SLC9A1: variants seen among roughly 807,000 people sequenced by gnomAD.
SLC9A1 encodes the protein sodium/hydrogen exchanger 1.
In SLC9A1, 22 loss-of-function variants were observed where a neutral mutation model predicts 67.9. The observed-to-expected ratio is 0.32, with a 90% CI of 0.23 to 0.46. The LOEUF (loss-of-function observed/expected upper bound fraction) is 0.46, where lower values mean the gene tolerates loss of function less well. Among genes scored for constraint, SLC9A1 ranks in the 20% least tolerant of loss-of-function variants. SLC9A1 has a pLI of 1.00. For missense variants in SLC9A1, 686 were observed against 1,094.8 expected, an observed-to-expected ratio of 0.63 and a Z score of 5.27; for synonymous variants, 421 against 471.8, an observed-to-expected ratio of 0.89 and a Z score of 1.40.
chr1:27,108,348 CGAG>C, intron 3 of SLC9A1, among the ~76,000 whole-genome samples: 1 of 145,982 alleles, frequency 6.9e-6, no homozygotes, highest in East Asian at 2.1e-4. Flanking sequence ...TTACAGGCGA[CGAG>C]CGCATGCCCG....
chr1:27,105,548 C>T, intron 5 of SLC9A1: 2 of 616,388 alleles, frequency 3.2e-6, no homozygotes, highest in South Asian at 2.0e-5. Context: ...TCCACCCCCT[C>T]AGCCTCCCAA....
At position 27,101,994 on chromosome 1, in the gene SLC9A1, G is replaced by C. The variant is rs764202913; in HGVS notation, c.1935+22C>G. On this transcript the variant is annotated intron_variant, in intron 9 of 11. Coordinates refer to ENST00000263980, the MANE Select transcript of SLC9A1 (RefSeq NM_003047.5). The surrounding 1 kb of genome is among the most constrained non-coding windows in gnomAD (Gnocchi z 4.9). ...GAAGGGCTCCTGTACCCTGGGGGTC[G>C]GGCTGGGGAGCAGGCCCTCACCCGC... The C allele has an allele frequency of 5.1e-6, 8 of 1,574,342 alleles. No individual in the cohort carries two copies. Among genetic ancestry groups the C allele is most frequent in the South Asian group, 1.1e-5 (1 of 90,338 alleles).
At chr1:27,140,219 G>T (rs2083445725) in intron 1 of SLC9A1, among the ~76,000 whole-genome samples, 1 of 151,988 alleles carries the variant, frequency 6.6e-6, no homozygotes, top group Non-Finnish European at 1.5e-5. Flanking sequence ...GCACTTCACA[G>T]CACATCACAA....
intron 2 of SLC9A1, among the ~76,000 whole-genome samples, chr1:27,110,909 G>A (rs1185633284): frequency 6.6e-6 from 1 of 152,194 alleles, no homozygotes; most frequent in East Asian, 1.9e-4. Flanking sequence ...TCCATGACAG[G>A]GAACCCTCCA....
chr1:27,131,616 C>T (rs866660417), intron 1 of SLC9A1, among the ~76,000 whole-genome samples: 23 of 151,516 alleles, frequency 1.5e-4, no homozygotes, highest in Non-Finnish European at 2.4e-4. Context: ...GGCGTGGTGG[C>T]GCGCGCCTGT....
At chr1:27,148,750 T>C (rs888122682) in intron 1 of SLC9A1, among the ~76,000 whole-genome samples, 2 of 152,208 alleles carry the variant, frequency 1.3e-5, no homozygotes, top group African/African-American at 4.8e-5. Flanking sequence ...TCCTGCCTTG[T>C]AGAGCTAAAC....
intron 1 of SLC9A1, among the ~76,000 whole-genome samples, chr1:27,150,260 T>A (rs2083517497): frequency 6.6e-6 from 1 of 152,132 alleles, no homozygotes; most frequent in Non-Finnish European, 1.5e-5. Context: ...GATGGCAGGA[T>A]TCGCCTTGCA....
intron 1 of SLC9A1, among the ~76,000 whole-genome samples, chr1:27,120,366 T>C (rs2083296987): frequency 6.6e-6 from 1 of 151,624 alleles, no homozygotes; most frequent in East Asian, 2.0e-4. Flanking sequence ...CCTCAGGTGA[T>C]CCACCCACCT....
chr1:27,112,529 T>A (rs1006750866), intron 2 of SLC9A1, among the ~76,000 whole-genome samples: 1 of 152,196 alleles, frequency 6.6e-6, no homozygotes, highest in Admixed American at 6.5e-5. Context: ...CAGGTGTATA[T>A]GGTGCTACCA....
In SLC9A1 at chr1:27,101,187, C is replaced by T; in HGVS notation, c.2110+16G>A. The T allele has an allele frequency of 1.2e-6, 2 of 1,605,436 alleles. No homozygotes were observed. Among genetic ancestry groups the T allele is most frequent in the Non-Finnish European group, 8.5e-7 (1 of 1,177,960 alleles). ...CTCAGAGTGCCCAGTCCTGAGGCCCCTCGCCAGGCCCTTACCTGAGCCGAT... is the reference window on the plus strand; with the variant it reads ...CTCAGAGTGCCCAGTCCTGAGGCCCTTCGCCAGGCCCTTACCTGAGCCGAT... On this transcript the variant is annotated intron_variant, in intron 11 of 11. Coordinates refer to ENST00000263980, the MANE Select transcript of SLC9A1 (RefSeq NM_003047.5). The surrounding 1 kb of genome is among the most constrained non-coding windows in gnomAD (Gnocchi z 4.9).
At chr1:27,119,847 A>G (rs1250575946) in intron 1 of SLC9A1, among the ~76,000 whole-genome samples, 1 of 152,170 alleles carries the variant, frequency 6.6e-6, no homozygotes, top group Admixed American at 6.5e-5. Flanking sequence ...GCAGTTCCCA[A>G]AGGGCCAGCG....
chr1:27,146,902 G>A (rs551411870), intron 1 of SLC9A1, among the ~76,000 whole-genome samples: 6 of 152,294 alleles, frequency 3.9e-5, no homozygotes, highest in East Asian at 1.9e-4. Flanking sequence ...TTGGGGGGCC[G>A]GGACGGGCAG....
Position 27,154,167 on chromosome 1 carries a change from C to T in SLC9A1, c.168G>A (p.Ser56=). 6.8e-6 allele frequency: 11 copies of T among 1,614,110 alleles called. No individual in the cohort carries two copies. The highest frequency in any genetic ancestry group is 9.3e-6 in the Non-Finnish European group (11 of 1,179,992). ...GTGGAGCGGTGGTGACATCCCCAAT[C>T]GAGCGTTCTCGTGGTGGCTCTGAGC... ...IRSSEPPRER[S]IGDVTTAPPE... Residue 56 remains serine (S), a synonymous_variant, in exon 1 of 12, where the codon TCG becomes TCA. Transcript: ENST00000263980.
At chr1:27,123,585 A>T (rs1000085970) in intron 1 of SLC9A1, among the ~76,000 whole-genome samples, 1 of 150,840 alleles carries the variant, frequency 6.6e-6, no homozygotes, top group African/African-American at 2.4e-5. Context: ...ATCTTGGCTC[A>T]CTGCAACCTC....
At chr1:27,122,658 A>G (rs1012374701) in intron 1 of SLC9A1, among the ~76,000 whole-genome samples, 1 of 152,176 alleles carries the variant, frequency 6.6e-6, no homozygotes, top group South Asian at 2.1e-4. Flanking sequence ...CTGGGTCTCA[A>G]GGACCCATTT....
chr1:27,113,961 G>A lies in SLC9A1; in HGVS notation c.678C>T (p.Asp226=), dbSNP rs756134144. ...GEQINNIGLL[D]NLLFGSIISA... is the part of the protein sequence containing the mutation. ...AGATGATGCTGCCGAAGAGCAGGTT[G>A]TCCAGGAGGCCGATGTTGTTGATCT... The change falls in exon 2 of 12, where the codon GAC becomes GAT. Residue 226 remains aspartate (D), a synonymous_variant. Transcript: ENST00000263980. 6.2e-7 allele frequency: 1 copy of A among 1,614,100 alleles called. No individual in the cohort carries two copies. The highest frequency in any genetic ancestry group is 8.5e-7 in the Non-Finnish European group (1 of 1,180,054).
At chr1:27,104,384 TCTC>T (rs201709017) in intron 5 of SLC9A1, among the ~76,000 whole-genome samples, 10 of 146,920 alleles carry the variant, frequency 6.8e-5, no homozygotes, top group East Asian at 4.1e-4. Context: ...GCCCAGCCTC[TCTC>T]CTTTTTCTTA....
At position 27,145,642 on chromosome 1, in the gene SLC9A1, C is replaced by A. The variant is rs898912923; in HGVS notation, c.352+8341G>T. ...GCCAGTCTGGGCTTAGGGGTAAGTG[C>A]TTCCCAAGGGACAGGGAAGGGGGCC... On this transcript the variant is annotated intron_variant, in intron 1 of 11. Transcript: ENST00000263980. Among the ~76,000 whole-genome samples, 12 of 152,206 alleles carry A rather than the reference C, an allele frequency of 7.9e-5. 1 individual carries two copies. The highest frequency in any genetic ancestry group is 7.2e-4 in the Admixed American group (11 of 15,284).
chr1:27,104,922 T>C (rs1301405602), intron 5 of SLC9A1, among the ~76,000 whole-genome samples: 3 of 152,208 alleles, frequency 2.0e-5, no homozygotes, highest in African/African-American at 7.2e-5. Context: ...CTGGGCTTCC[T>C]TGGGGACCTT....
Sources: gnomAD v4.1 joint callset for allele counts (sites outside exome capture counted in the v4.1 genomes callset) on GRCh38, gnomAD v4.1.1 for gene constraint, Gnocchi (gnomAD v3.1) non-coding constraint, MANE v1.5 for transcripts, NCBI Gene and HGNC (gene_info 2026-07-23, HGNC 2026-07-21) for gene names.